Variants in GIPC2 observed in about 807,000 individuals in gnomAD.
GIPC2 encodes PDZ domain-containing protein GIPC2.
GIPC2 carries 30 observed loss-of-function variants against 30.6 expected under a neutral mutation model. That is an observed-to-expected ratio of 0.98 (90% CI 0.73 to 1.33). GIPC2 has a LOEUF of 1.33. GIPC2 is among the 40% of genes most tolerant of loss of function. The pLI is 0.00. For missense variants in GIPC2, 414 were observed against 390.3 expected (o/e 1.06, Z -0.51); for synonymous variants, 167 against 150.0 (o/e 1.11, Z -0.83).
intron 1 of GIPC2, among the ~76,000 whole-genome samples, chr1:78,074,753 T>C (rs540131127): frequency 1.3e-5 from 2 of 152,322 alleles, no homozygotes; most frequent in East Asian, 3.9e-4. Context: ...AGTCTATCGA[T>C]TTATTTATTT....
At chr1:78,097,620 C>G (rs1026568991) in intron 3 of GIPC2, among the ~76,000 whole-genome samples, 1 of 152,194 alleles carries the variant, frequency 6.6e-6, no homozygotes, top group Non-Finnish European at 1.5e-5. Context: ...TTTAGGTCCA[C>G]CACTAGCTAC....
chr1:78,047,105 G>T (rs912653237), intron 1 of GIPC2, among the ~76,000 whole-genome samples: 1 of 152,176 alleles, frequency 6.6e-6, no homozygotes. Context: ...TGGGGGCCTG[G>T]AACTAAGTTT....
intron 3 of GIPC2, among the ~76,000 whole-genome samples, chr1:78,098,165 G>A (rs1662173954): frequency 1.3e-5 from 2 of 152,174 alleles, no homozygotes; most frequent in South Asian, 4.1e-4. Flanking sequence ...TTTGGAGGGA[G>A]AAGCGTATTG....
In GIPC2 at chr1:78,046,207, C is replaced by T. The variant is rs772018303; in HGVS notation, c.113C>T (p.Pro38Leu). 3.1e-6 allele frequency: 5 copies of T among 1,592,866 alleles called. No individual in the cohort carries two copies. The highest frequency in any genetic ancestry group is 2.3e-5 in the East Asian group (1 of 42,964). Residue 38 changes from proline (P) to leucine (L), a missense_variant, in exon 1 of 6, where the codon CCC becomes CTC. By Grantham distance (98) the Pro-to-Leu change is moderately conservative. Transcript: ENST00000370759. ...GGGSLSASRAPARRLVFHAQL... is the reference protein window; with the variant it reads ...GGGSLSASRALARRLVFHAQL... ...GGGAGCCTCTCAGCGTCCCGGGCTC[C>T]CGCACGCAGGCTGGTCTTCCACGCG...
intron 1 of GIPC2, among the ~76,000 whole-genome samples, chr1:78,054,988 G>C (rs1443570020): frequency 6.6e-6 from 1 of 152,176 alleles, no homozygotes; most frequent in Non-Finnish European, 1.5e-5. Context: ...GAAGGCTCTT[G>C]CAGGTTATCT....
At chr1:78,124,742 A>T (rs562732226) in intron 4 of GIPC2, among the ~76,000 whole-genome samples, 2 of 152,330 alleles carry the variant, frequency 1.3e-5, no homozygotes, top group East Asian at 3.9e-4. Context: ...GTGATGGCTC[A>T]TGCCTGTAAT....
At chr1:78,117,355 A>G (rs1288940228) in intron 3 of GIPC2, among the ~76,000 whole-genome samples, 6 of 152,142 alleles carry the variant, frequency 3.9e-5, no homozygotes, top group Non-Finnish European at 5.9e-5. Context: ...TCTTTAGTGC[A>G]GGGGTCCCCA....
intron 5 of GIPC2, among the ~76,000 whole-genome samples, chr1:78,134,662 G>T (rs1662968279): frequency 6.6e-6 from 1 of 152,156 alleles, no homozygotes; most frequent in Non-Finnish European, 1.5e-5. Flanking sequence ...CTGATGGGAA[G>T]AGGCATAGCT....
chr1:78,095,853 C>T (rs1483131478), intron 3 of GIPC2, among the ~76,000 whole-genome samples: 3 of 152,292 alleles, frequency 2.0e-5, no homozygotes, highest in South Asian at 2.1e-4. Flanking sequence ...TGCTGTTACT[C>T]ATCATGACCC....
chr1:78,071,601 CTTT>C lies in GIPC2; in HGVS notation c.241-9065_241-9063del, dbSNP rs891562923. 2.3e-5 allele frequency among the ~76,000 whole-genome samples: 3 copies of C among 132,290 alleles called. No homozygotes were observed. The South Asian group carries it at 7.3e-4, about 32-fold the overall frequency. 86.8% of individuals were successfully genotyped at this position (132,290 alleles called of 152,430 possible). On this transcript the variant is annotated intron_variant, in intron 1 of 5. Coordinates refer to ENST00000370759, the MANE Select transcript of GIPC2 (RefSeq NM_017655.6). ...TCTTCTTCTTTTGTTTCTTCTTCTT[CTTT>C]TTTTTTTTCTTTAAGAAAAGAAGAG...
At chr1:78,099,649 A>G (rs1662202658) in intron 3 of GIPC2, among the ~76,000 whole-genome samples, 1 of 152,024 alleles carries the variant, frequency 6.6e-6, no homozygotes, top group Non-Finnish European at 1.5e-5. Flanking sequence ...TGTGTTAGCC[A>G]GGATGGTCTC....
chr1:78,071,561 TTTC>T (rs1413067741), intron 1 of GIPC2, among the ~76,000 whole-genome samples: 9 of 151,450 alleles, frequency 5.9e-5, no homozygotes, highest in Admixed American at 1.3e-4. Flanking sequence ...CTTCTTCTTT[TTTC>T]TTCTTCTTCT....
At chr1:78,133,416 CA>C (rs1161199301) in intron 5 of GIPC2, among the ~76,000 whole-genome samples, 1 of 152,128 alleles carries the variant, frequency 6.6e-6, no homozygotes, top group Non-Finnish European at 1.5e-5. Flanking sequence ...TCCATTTTGC[CA>C]AGATCCTAGG....
intron 5 of GIPC2, among the ~76,000 whole-genome samples, chr1:78,131,251 G>A (rs1412835558): frequency 6.6e-6 from 1 of 150,946 alleles, no homozygotes; most frequent in Non-Finnish European, 1.5e-5. Context: ...CTGTCGCCCA[G>A]GCTGGAGTGC....
At chr1:78,089,432 CAAT>C (rs1479280428) in intron 2 of GIPC2, among the ~76,000 whole-genome samples, 5 of 152,192 alleles carry the variant, frequency 3.3e-5, no homozygotes, top group Admixed American at 6.5e-5. Flanking sequence ...TTAGTTCTAA[CAAT>C]AAACTATTAC....
chr1:78,047,168 T>G (rs553200729), intron 1 of GIPC2, among the ~76,000 whole-genome samples: 19 of 152,354 alleles, frequency 1.2e-4, no homozygotes, highest in Non-Finnish European at 2.6e-4. Flanking sequence ...TGTGACCACT[T>G]TATTTGTGCT....
chr1:78,088,143 C>T (rs545339685), intron 2 of GIPC2, among the ~76,000 whole-genome samples: 1 of 152,160 alleles, frequency 6.6e-6, no homozygotes, highest in Non-Finnish European at 1.5e-5. Context: ...AACCCTCATA[C>T]ACTGTTGGTG....
chr1:78,081,067 T>C lies in GIPC2; in HGVS notation c.426+207T>C, dbSNP rs533170868. ...TTAATTTCTTCCCTTTAGTTTAAACTTCCCCTAGAATTTAGAACTAACTGA... is the reference window on the plus strand; with the variant it reads ...TTAATTTCTTCCCTTTAGTTTAAACCTCCCCTAGAATTTAGAACTAACTGA... On this transcript the variant is annotated intron_variant, in intron 2 of 5. Coordinates refer to ENST00000370759, the MANE Select transcript of GIPC2 (RefSeq NM_017655.6). 2.1e-4 allele frequency among the ~76,000 whole-genome samples: 32 copies of C among 152,290 alleles called. 1 individual carries two copies. The South Asian group carries it at 5.4e-3, about 26-fold the overall frequency.
Position 78,136,762 on chromosome 1 carries a change from A to T in GIPC2, c.*1019A>T, listed in dbSNP as rs764838891. Reference sequence around the variant, plus strand: ...ATTAGTCTATTATTTTAGAGTTCTAATACACTCTAAATTAAAGAGAAAATT... The same window carrying T: ...ATTAGTCTATTATTTTAGAGTTCTATTACACTCTAAATTAAAGAGAAAATT... On this transcript the variant is annotated 3_prime_UTR_variant, in exon 6 of 6. Coordinates refer to ENST00000370759, the MANE Select transcript of GIPC2 (RefSeq NM_017655.6). 6.6e-6 allele frequency: 1 copy of T among 152,040 alleles called. No individual in the cohort carries two copies. Among genetic ancestry groups the T allele is most frequent in the Non-Finnish European group, 1.5e-5 (1 of 67,968 alleles). 9.4% of individuals were successfully genotyped at this position (152,040 alleles called of 1,614,324 possible). A position where few individuals can be genotyped will look rare whatever the true frequency, so the allele number is the denominator to read the frequency against.
Sources: gnomAD v4.1 joint callset for allele counts (sites outside exome capture counted in the v4.1 genomes callset) on GRCh38, gnomAD v4.1.1 for gene constraint, MANE v1.5 for transcripts, NCBI Gene and HGNC (gene_info 2026-07-23, HGNC 2026-07-21) for gene names.